Variants in THSD7A observed in about 807,000 individuals in gnomAD.
The protein encoded by THSD7A is thrombospondin type 1 domain containing 7A, also known as thrombospondin type-1 domain-containing protein 7A.
THSD7A carries 96 observed loss-of-function variants against 231.3 expected under a neutral mutation model. The ratio of observed to expected loss-of-function variants is 0.41; its 90% CI spans 0.35 to 0.49. THSD7A has a LOEUF of 0.49. Among genes scored for constraint, THSD7A ranks in the 20% least tolerant of loss-of-function variants. The pLI, the probability that THSD7A is intolerant of heterozygous loss-of-function variation, is 0.05. For missense variants in THSD7A, 2,290 were observed against 2,070.2 expected (o/e 1.11, Z -2.06); for synonymous variants, 940 against 743.3 (o/e 1.26, Z -4.30).
At chr7:11,540,763 A>G (rs1789111175) in intron 6 of THSD7A, among the ~76,000 whole-genome samples, 2 of 152,230 alleles carry the variant, frequency 1.3e-5, no homozygotes. Context: ...ACATCAAGAC[A>G]GTATATTTTA....
Position 11,379,705 on chromosome 7 carries a change from G to A in THSD7A, c.4515C>T (p.Cys1505=). The change falls in exon 25 of 28, where the codon TGC becomes TGT. Residue 1505 remains cysteine, a synonymous_variant. Transcript: ENST00000423059. ...RSDGINVTGG[C]LVMSQPDADR... is the part of the protein sequence containing the mutation. ...CGGCATCAGGCTGGCTCATCACCAA[G>A]CAGCCCCCTGCGGAACAGAAAATCA... 1 of 1,586,880 alleles carries A rather than the reference G, an allele frequency of 6.3e-7. No individual in the cohort carries two copies. The highest frequency in any genetic ancestry group is 8.6e-7 in the Non-Finnish European group (1 of 1,165,666).
At chr7:11,433,714 C>G (rs980579170) in intron 13 of THSD7A, among the ~76,000 whole-genome samples, 24 of 152,026 alleles carry the variant, frequency 1.6e-4, no homozygotes, top group African/African-American at 5.1e-4. Flanking sequence ...ACCTGGTGGC[C>G]TTACATGTCA....
intron 1 of THSD7A, among the ~76,000 whole-genome samples, chr7:11,690,748 A>G (rs1052138090): frequency 1.3e-5 from 2 of 151,798 alleles, no homozygotes; most frequent in African/African-American, 4.8e-5. Context: ...ATTTCTGTAC[A>G]AGAATCTTTT....
intron 1 of THSD7A, among the ~76,000 whole-genome samples, chr7:11,812,243 G>C (rs9639099): frequency 0.58 from 87,865 of 151,698 alleles, 26,398 homozygotes; most frequent in Middle Eastern, 0.71. Context: ...TTGTTGTGTG[G>C]TGTTCAATTT....
intron 1 of THSD7A, among the ~76,000 whole-genome samples, chr7:11,709,425 A>G (rs945056249): frequency 6.6e-6 from 1 of 150,850 alleles, no homozygotes; most frequent in African/African-American, 2.4e-5. Flanking sequence ...CTAACTTACC[A>G]GTCTCATAAT....
chr7:11,819,690 G>A (rs964901286), intron 1 of THSD7A, among the ~76,000 whole-genome samples: 3 of 152,120 alleles, frequency 2.0e-5, no homozygotes, highest in African/African-American at 7.2e-5. Flanking sequence ...AGGAGCACAG[G>A]GAATTTTCCG....
intron 1 of THSD7A, among the ~76,000 whole-genome samples, chr7:11,654,906 G>A (rs1782650201): frequency 6.6e-6 from 1 of 151,922 alleles, no homozygotes; most frequent in Non-Finnish European, 1.5e-5. Context: ...TAAGGCAAAT[G>A]TTCGATAAGG....
intron 16 of THSD7A, 148 bp downstream of exon 16, chr7:11,424,548 G>T: frequency 1.8e-6 from 2 of 1,094,910 alleles, no homozygotes; most frequent in Non-Finnish European, 2.6e-6. Context: ...TTCTCTTAGA[G>T]TTTTCTATGA....
At chr7:11,524,011 T>C (rs577118063) in intron 6 of THSD7A, among the ~76,000 whole-genome samples, 2 of 152,326 alleles carry the variant, frequency 1.3e-5, no homozygotes, top group African/African-American at 4.8e-5. Context: ...TACTTTTCTA[T>C]GTAAAAGTTT....
intron 1 of THSD7A, among the ~76,000 whole-genome samples, chr7:11,723,503 C>A: frequency 6.6e-6 from 1 of 151,536 alleles, no homozygotes; most frequent in East Asian, 2.0e-4. Flanking sequence ...AAACTGGATG[C>A]ATAAATAAAT....
chr7:11,475,943 T>TC (rs1388786872), intron 7 of THSD7A, among the ~76,000 whole-genome samples: 2 of 146,278 alleles, frequency 1.4e-5, no homozygotes, highest in East Asian at 3.9e-4. Flanking sequence ...TCCTTTTTTT[T>TC]TTTTTTTTTT....
At chr7:11,397,483 T>C (rs1783233241) in intron 23 of THSD7A, among the ~76,000 whole-genome samples, 1 of 152,172 alleles carries the variant, frequency 6.6e-6, no homozygotes, top group African/African-American at 2.4e-5. Flanking sequence ...GGCAATACTA[T>C]TCAGGACATA....
chr7:11,705,666 G>C (rs1365836094), intron 1 of THSD7A, among the ~76,000 whole-genome samples: 1 of 150,982 alleles, frequency 6.6e-6, no homozygotes, highest in Non-Finnish European at 1.5e-5. Flanking sequence ...CTATATTTTA[G>C]CTATACTTCA....
intron 6 of THSD7A, among the ~76,000 whole-genome samples, chr7:11,521,748 G>T (rs945610918): frequency 2.1e-5 from 3 of 144,850 alleles, no homozygotes; most frequent in African/African-American, 7.7e-5. Flanking sequence ...CCTTCAAATG[G>T]CGGACTAGGG....
At chr7:11,597,595 G>C (rs1191385447) in intron 2 of THSD7A, among the ~76,000 whole-genome samples, 1 of 152,148 alleles carries the variant, frequency 6.6e-6, no homozygotes, top group Non-Finnish European at 1.5e-5. Context: ...TTGGAACAAG[G>C]CCCTGCCATC....
intron 6 of THSD7A, among the ~76,000 whole-genome samples, chr7:11,498,972 A>C (rs1163112979): frequency 1.3e-5 from 2 of 152,126 alleles, no homozygotes; most frequent in East Asian, 1.9e-4. Flanking sequence ...ATCTTCAGCC[A>C]CCTTGCACTG....
intron 1 of THSD7A, among the ~76,000 whole-genome samples, chr7:11,739,347 C>T (rs906860855): frequency 6.6e-6 from 1 of 151,842 alleles, no homozygotes; most frequent in African/African-American, 2.4e-5. Flanking sequence ...CACTTCTATG[C>T]ATGGAATAAC....
intron 2 of THSD7A, among the ~76,000 whole-genome samples, chr7:11,607,443 T>G (rs1352595603): frequency 6.6e-6 from 1 of 152,106 alleles, no homozygotes; most frequent in African/African-American, 2.4e-5. Context: ...TACTAAAAGA[T>G]CAGTAATGCC....
chr7:11,677,683 C>T (rs1199013106), intron 1 of THSD7A, among the ~76,000 whole-genome samples: 1 of 148,464 alleles, frequency 6.7e-6, no homozygotes, highest in African/African-American at 2.5e-5. Flanking sequence ...AGACAAAGGG[C>T]ATTACATAAT....
Sources: gnomAD v4.1 joint callset for allele counts (sites outside exome capture counted in the v4.1 genomes callset) on GRCh38, gnomAD v4.1.1 for gene constraint, MANE v1.5 for transcripts, NCBI Gene and HGNC (gene_info 2026-07-23, HGNC 2026-07-21) for gene names.